MAPK10: variants seen among roughly 807,000 people sequenced by gnomAD.
MAPK10 encodes mitogen-activated protein kinase 10, also known as JNK3 alpha protein kinase.
MAPK10 carries 25 observed loss-of-function variants against 59.3 expected under a neutral mutation model. The observed-to-expected ratio is 0.42, with a 90% CI of 0.31 to 0.59. The LOEUF (loss-of-function observed/expected upper bound fraction) is 0.59, where lower values mean the gene tolerates loss of function less well. Among genes scored for constraint, MAPK10 ranks in the 20% least tolerant of loss-of-function variants. The pLI, the probability that MAPK10 is intolerant of heterozygous loss-of-function variation, is 0.15. For missense variants in MAPK10, 351 were observed against 568.9 expected (o/e 0.62, Z 3.90); for synonymous variants, 190 against 200.5 (o/e 0.95, Z 0.44).
At chr4:86,301,579 C>T (rs1210702409) in intron 2 of MAPK10, among the ~76,000 whole-genome samples, 1 of 152,048 alleles carries the variant, frequency 6.6e-6, no homozygotes, top group Admixed American at 6.6e-5. Flanking sequence ...AGACTTCTTC[C>T]AGGAAATTTG....
At chr4:86,214,540 T>C (rs1014622190) in intron 2 of MAPK10, among the ~76,000 whole-genome samples, 3 of 143,372 alleles carry the variant, frequency 2.1e-5, no homozygotes, top group African/African-American at 7.7e-5. Flanking sequence ...AAAAAACTGT[T>C]AGAACTGATA....
At chr4:86,517,565 G>A (rs567827295) in intron 1 of MAPK10, among the ~76,000 whole-genome samples, 38 of 152,076 alleles carry the variant, frequency 2.5e-4, no homozygotes, top group Middle Eastern at 6.8e-3. Context: ...ATGAGCTACC[G>A]CACCCGGCCT....
At chr4:86,213,363 CCAA>C (rs1228056000) in intron 2 of MAPK10, among the ~76,000 whole-genome samples, 1 of 151,742 alleles carries the variant, frequency 6.6e-6, no homozygotes, top group Non-Finnish European at 1.5e-5. Context: ...TGAGCAGAGA[CCAA>C]CAAAATAGAG....
chr4:86,273,480 C>T (rs1034233388), intron 2 of MAPK10, among the ~76,000 whole-genome samples: 9 of 151,890 alleles, frequency 5.9e-5, no homozygotes, highest in Non-Finnish European at 1.0e-4. Context: ...TTAGGAGAAA[C>T]CAGTACAAAA....
chr4:86,479,629 C>A (rs1753419792), intron 1 of MAPK10, among the ~76,000 whole-genome samples: 1 of 152,084 alleles, frequency 6.6e-6, no homozygotes, highest in African/African-American at 2.4e-5. Context: ...TGGTGCTATC[C>A]CCAAACCGCC....
At chr4:86,583,196 T>G (rs1442233747) in intron 1 of MAPK10, among the ~76,000 whole-genome samples, 1 of 152,134 alleles carries the variant, frequency 6.6e-6, no homozygotes, top group Non-Finnish European at 1.5e-5. Flanking sequence ...TCTTTTTTTT[T>G]GTATTTTTAG....
chr4:86,294,840 G>T (rs1203965285), intron 2 of MAPK10, among the ~76,000 whole-genome samples: 8 of 152,132 alleles, frequency 5.3e-5, no homozygotes, highest in Admixed American at 5.2e-4. Context: ...AAACCTCTTC[G>T]AGGCTTTGGC....
In MAPK10 at chr4:86,127,020, A is replaced by T. The variant is rs183263236; in HGVS notation, c.237-19668T>A. Among the ~76,000 whole-genome samples, 127 of 152,036 alleles carry T rather than the reference A, an allele frequency of 8.4e-4. 2 individuals are homozygous for T. In the East Asian group the frequency reaches 0.021, roughly 25 times the overall value. On this transcript the variant is annotated intron_variant, in intron 4 of 13. Coordinates refer to ENST00000641462, the MANE Select transcript of MAPK10 (RefSeq NM_138982.4). ...TCTGCATTAAACCTCGCTTTCCTCC[A>T]ATCCATACCTCATCATCCTCATAAA...
At chr4:86,472,465 C>T (rs1213614997) in intron 1 of MAPK10, among the ~76,000 whole-genome samples, 1 of 152,076 alleles carries the variant, frequency 6.6e-6, no homozygotes, top group Non-Finnish European at 1.5e-5. Context: ...GGCAACATGG[C>T]AAAACCCCAT....
chr4:86,554,026 T>C (rs916850871), intron 1 of MAPK10, among the ~76,000 whole-genome samples: 14 of 151,816 alleles, frequency 9.2e-5, no homozygotes, highest in African/African-American at 3.4e-4. Flanking sequence ...ACAGGCACAT[T>C]CCACCATGTC....
At chr4:86,060,240 T>C (rs2045475003) in intron 11 of MAPK10, among the ~76,000 whole-genome samples, 1 of 152,170 alleles carries the variant, frequency 6.6e-6, no homozygotes, top group Non-Finnish European at 1.5e-5. Context: ...GATGATTTAT[T>C]TGAGTTTTGA....
intron 2 of MAPK10, among the ~76,000 whole-genome samples, chr4:86,227,907 C>G (rs2090928310): frequency 6.6e-6 from 1 of 152,050 alleles, no homozygotes; most frequent in Non-Finnish European, 1.5e-5. Context: ...ACAAAAATGA[C>G]TGTCATGAAG....
intron 11 of MAPK10, among the ~76,000 whole-genome samples, chr4:86,038,872 T>C (rs973940061): frequency 6.6e-6 from 1 of 152,176 alleles, no homozygotes; most frequent in Non-Finnish European, 1.5e-5. Context: ...ATATAATTAA[T>C]TCCTATGATT....
intron 1 of MAPK10, among the ~76,000 whole-genome samples, chr4:86,533,533 A>T (rs1327775654): frequency 2.0e-5 from 3 of 152,224 alleles, no homozygotes. Flanking sequence ...TCCTTTTGAG[A>T]TTCCTAACTA....
At chr4:86,136,225 C>T (rs1488093991) in intron 4 of MAPK10, among the ~76,000 whole-genome samples, 2 of 152,048 alleles carry the variant, frequency 1.3e-5, no homozygotes, top group African/African-American at 4.8e-5. Context: ...CTCCAAAACA[C>T]ATAATTGTCA....
chr4:86,350,572 C>A (rs1730805614), intron 2 of MAPK10, among the ~76,000 whole-genome samples: 1 of 152,138 alleles, frequency 6.6e-6, no homozygotes, highest in Admixed American at 6.5e-5. Flanking sequence ...TGGTCTCAAA[C>A]TCCTGACCTC....
intron 2 of MAPK10, among the ~76,000 whole-genome samples, chr4:86,322,758 G>C (rs1048281252): frequency 1.3e-5 from 2 of 152,062 alleles, no homozygotes; most frequent in East Asian, 1.9e-4. Flanking sequence ...TCTCTTTCCT[G>C]GGGTTTTTAA....
intron 1 of MAPK10, among the ~76,000 whole-genome samples, chr4:86,368,407 C>T (rs990131743): frequency 1.3e-5 from 2 of 152,104 alleles, no homozygotes; most frequent in Non-Finnish European, 2.9e-5. Flanking sequence ...TCATTCTTTG[C>T]GTTGTGCATT....
chr4:86,268,936 C>T (rs1394042626), intron 2 of MAPK10, among the ~76,000 whole-genome samples: 1 of 152,144 alleles, frequency 6.6e-6, no homozygotes, highest in Admixed American at 6.6e-5. Context: ...GTGACTACTT[C>T]TGTGTTGTTC....
Sources: gnomAD v4.1 joint callset for allele counts (sites outside exome capture counted in the v4.1 genomes callset) on GRCh38, gnomAD v4.1.1 for gene constraint, MANE v1.5 for transcripts, NCBI Gene and HGNC (gene_info 2026-07-23, HGNC 2026-07-21) for gene names.